ATAD2B: variants seen among roughly 807,000 people sequenced by gnomAD.
ATAD2B encodes ATPase family AAA domain containing 2B.
ATAD2B carries 40 observed loss-of-function variants against 167.6 expected under a neutral mutation model. The observed-to-expected ratio is 0.24, with a 90% CI of 0.19 to 0.31. The LOEUF is 0.31. Ranked by LOEUF, ATAD2B falls within the 10% of genes least tolerant of loss-of-function variation. ATAD2B has a pLI of 1.00. For synonymous variants in ATAD2B, 579 were observed against 596.5 expected, an observed-to-expected ratio of 0.97 and a Z score of 0.43; for missense variants, 1,242 against 1,757.2, an observed-to-expected ratio of 0.71 and a Z score of 5.24.
chr2:23,728,079 T>A, the ATAD2B span, among the ~76,000 whole-genome samples: 3 of 152,188 alleles, frequency 2.0e-5, no homozygotes, highest in Admixed American at 2.0e-4. Flanking sequence ...GATGTATGAA[T>A]ATTTGCTTAC....
chr2:23,860,888 C>T (rs1434089563), intron 12 of ATAD2B, among the ~76,000 whole-genome samples: 4 of 152,062 alleles, frequency 2.6e-5, no homozygotes, highest in African/African-American at 7.2e-5. Flanking sequence ...GGAGAATCAC[C>T]TGAACCCAGG....
intron 18 of ATAD2B, among the ~76,000 whole-genome samples, chr2:23,808,654 A>C (rs1685042092): frequency 6.6e-6 from 1 of 152,174 alleles, no homozygotes; most frequent in African/African-American, 2.4e-5. Context: ...TTGACACTGT[A>C]AGTTTTCCAT....
chr2:23,793,461 T>C (rs1388571325), intron 19 of ATAD2B, among the ~76,000 whole-genome samples: 2 of 152,196 alleles, frequency 1.3e-5, no homozygotes, highest in African/African-American at 2.4e-5. Flanking sequence ...AACTCTCTTC[T>C]CTAATTCTCC....
Position 23,863,484 on chromosome 2 carries a change from C to T in ATAD2B, c.1376G>A (p.Ser459Asn). The change falls in exon 12 of 28, where the codon AGC becomes AAC. Residue 459 changes from serine to asparagine, a missense_variant. Ser to Asn is a conservative substitution (Grantham distance 46). Transcript: ENST00000238789. ...LVARALANEC[S>N]QGDKKVAFFM... ...AAAAGCCACTTTTTTGTCTCCTTGG[C>T]TGCATTCATTAGCTAATGCTCTGGC... 6.4e-7 allele frequency: 1 copy of T among 1,561,982 alleles called. No individual in the cohort carries two copies. The highest frequency in any genetic ancestry group is 8.7e-7 in the Non-Finnish European group (1 of 1,152,240).
chr2:23,924,138 C>G (rs1036584723), intron 1 of ATAD2B, among the ~76,000 whole-genome samples: 2 of 152,070 alleles, frequency 1.3e-5, no homozygotes, highest in Admixed American at 6.5e-5. Context: ...GAGCCGAGAT[C>G]GCGCCACTGC....
At chr2:23,710,845 T>C in the ATAD2B span, among the ~76,000 whole-genome samples, 1 of 152,334 alleles carries the variant, frequency 6.6e-6, no homozygotes, top group African/African-American at 2.4e-5. Context: ...ACCCCTTTAA[T>C]ATCAGGGACT....
intron 1 of ATAD2B, among the ~76,000 whole-genome samples, chr2:23,913,591 G>A (rs1405280224): frequency 1.4e-5 from 2 of 147,844 alleles, no homozygotes. Flanking sequence ...AGTGAGCCGA[G>A]ATCATGCCAC....
the ATAD2B span, chr2:23,696,242 T>G: frequency 6.7e-7 from 1 of 1,483,436 alleles, no homozygotes; most frequent in Non-Finnish European, 9.1e-7. This position sits in a 1 kb window ranked among gnomAD's most constrained non-coding sequence, Gnocchi z 5.5. Context: ...ACTTTGCAGG[T>G]GAAGCCTTCC....
the ATAD2B span, among the ~76,000 whole-genome samples, chr2:23,679,999 A>G: frequency 6.6e-6 from 1 of 152,032 alleles, no homozygotes; most frequent in African/African-American, 2.4e-5. Context: ...GAGCGGAGGG[A>G]ACGGGGAGAC....
chr2:23,884,701 G>A lies in ATAD2B; in HGVS notation c.784+64C>T, dbSNP rs1698431777. The A allele has an allele frequency of 4.7e-6, 4 of 857,626 alleles. No individual in the cohort carries two copies. The African/African-American group carries it at 6.9e-5, about 15-fold the overall frequency. The allele number at this position is 857,626 out of a possible 1,614,324, so 53.1% of individuals were successfully genotyped here. On this transcript the variant is annotated intron_variant, in intron 6 of 27. Coordinates refer to ENST00000238789, the MANE Select transcript of ATAD2B (RefSeq NM_017552.4). Reference sequence around the variant, plus strand: ...CAGCAACATTCTACATATATTACTTGTATATTTTATTTTTCTTCCCTCCCA... The same window carrying A: ...CAGCAACATTCTACATATATTACTTATATATTTTATTTTTCTTCCCTCCCA...
intron 22 of ATAD2B, among the ~76,000 whole-genome samples, chr2:23,768,628 C>T (rs530112551): frequency 6.6e-6 from 1 of 152,054 alleles, no homozygotes; most frequent in African/African-American, 2.4e-5. Context: ...TCTTGTGACC[C>T]TTGATTTTCC....
chr2:23,734,342 T>C, the ATAD2B span, among the ~76,000 whole-genome samples: 1 of 151,992 alleles, frequency 6.6e-6, no homozygotes, highest in Non-Finnish European at 1.5e-5. Flanking sequence ...CATTTTTTAG[T>C]AGAGATGGGG....
chr2:23,741,745 C>T, the ATAD2B span, among the ~76,000 whole-genome samples: 8 of 152,082 alleles, frequency 5.3e-5, no homozygotes, highest in Non-Finnish European at 1.2e-4. Flanking sequence ...GCAAAAGAAA[C>T]GACCATCAGA....
At chr2:23,829,181 TTG>T (rs1350425580) in intron 14 of ATAD2B, among the ~76,000 whole-genome samples, 2 of 152,196 alleles carry the variant, frequency 1.3e-5, no homozygotes, top group African/African-American at 4.8e-5. Context: ...ACATTTAATG[TTG>T]TGAGAGGTGA....
the ATAD2B span, among the ~76,000 whole-genome samples, chr2:23,718,479 T>C: frequency 6.6e-6 from 1 of 152,122 alleles, no homozygotes; most frequent in Non-Finnish European, 1.5e-5. Context: ...TTCCAATTAT[T>C]GCACAAAATC....
In ATAD2B at chr2:23,869,738, C is replaced by T; in HGVS notation, c.1001G>A (p.Ser334Asn). Reference protein sequence around the residue: ...HIRRKKHAIHSSDTTSSDEER... With the variant: ...HIRRKKHAIHNSDTTSSDEER... ...CTCATCAGAAGAAGTTGTGTCACTA[C>T]TATGAATGGCATGCTTCTTTCTCCT... The change falls in exon 9 of 28, where the codon AGT becomes AAT. Residue 334 changes from serine (S) to asparagine (N), a missense_variant. By Grantham distance (46) the Ser-to-Asn change is conservative (BLOSUM62 1). Transcript: ENST00000238789. The T allele has an allele frequency of 6.4e-7, 1 of 1,564,926 alleles. No individual in the cohort carries two copies. The highest frequency in any genetic ancestry group is 2.3e-5 in the East Asian group (1 of 43,246).
chr2:23,816,857 T>A (rs545040191), intron 17 of ATAD2B, among the ~76,000 whole-genome samples: 1 of 152,306 alleles, frequency 6.6e-6, no homozygotes, highest in Admixed American at 6.5e-5. Flanking sequence ...TGGTAAACCT[T>A]AACTATCTTG....
At chr2:23,816,166 A>G (rs1005868591) in intron 17 of ATAD2B, among the ~76,000 whole-genome samples, 4 of 152,244 alleles carry the variant, frequency 2.6e-5, no homozygotes, top group African/African-American at 4.8e-5. Context: ...TGACAATGGT[A>G]TAAGAAAAAT....
chr2:23,857,647 C>G (rs1288278920), intron 12 of ATAD2B, 144 bp from the exon 13 acceptor site: 1 of 397,468 alleles, frequency 2.5e-6, no homozygotes, highest in Non-Finnish European at 4.5e-6. Flanking sequence ...ATCTTACCAC[C>G]CAGTTTCCAA....
Sources: allele counts gnomAD v4.1 joint callset (sites outside exome capture counted in the v4.1 genomes callset), GRCh38; gene constraint gnomAD v4.1.1; non-coding constraint Gnocchi (gnomAD v3.1); transcripts MANE v1.5; gene names NCBI Gene and HGNC (gene_info 2026-07-23, HGNC 2026-07-21).